The following RBFOX1 variants were observed in gnomAD, a reference collection of about 807,000 sequenced individuals.
RBFOX1 encodes RNA binding protein fox-1 homolog 1.
Under a neutral mutation model 57.7 loss-of-function variants are expected in RBFOX1, and 8 were observed. The observed-to-expected ratio is 0.14, with a 90% confidence interval of 0.08 to 0.25. The LOEUF is 0.25. Among genes scored for constraint, RBFOX1 ranks in the 10% least tolerant of loss-of-function variants. The pLI is 1.00. For missense variants in RBFOX1, 611 were observed against 548.5 expected, an observed-to-expected ratio of 1.11 and a Z score of -1.14; for synonymous variants, 326 against 222.4, an observed-to-expected ratio of 1.47 and a Z score of -4.15.
intron 3 of RBFOX1, among the ~76,000 whole-genome samples, chr16:5,803,599 G>A (rs914546008): frequency 3.3e-5 from 5 of 152,148 alleles, no homozygotes; most frequent in African/African-American, 1.2e-4. Context: ...AGCACACTTT[G>A]TTGGGCATTC....
chr16:6,232,796 G>C (rs1453422358), intron 1 of RBFOX1, among the ~76,000 whole-genome samples: 2 of 152,062 alleles, frequency 1.3e-5, no homozygotes, highest in African/African-American at 2.4e-5. Flanking sequence ...GCTTCCACTT[G>C]GACTGGTGAT....
intron 3 of RBFOX1, among the ~76,000 whole-genome samples, chr16:7,018,160 C>G (rs1460258047): frequency 6.6e-6 from 1 of 152,132 alleles, no homozygotes; most frequent in Non-Finnish European, 1.5e-5. Flanking sequence ...TAAGCCCTTG[C>G]TGAATTTCCA....
At chr16:5,383,795 C>T (rs1027683628) in intron 1 of RBFOX1, among the ~76,000 whole-genome samples, 1 of 152,162 alleles carries the variant, frequency 6.6e-6, no homozygotes, top group Admixed American at 6.5e-5. Flanking sequence ...CCTGGGGCTA[C>T]AAGTGACAGA....
intron 1 of RBFOX1, among the ~76,000 whole-genome samples, chr16:6,233,240 A>T (rs1184432103): frequency 6.6e-6 from 1 of 152,176 alleles, no homozygotes; most frequent in African/African-American, 2.4e-5. Context: ...CTTTAGCTGC[A>T]CTTGAAAGGA....
chr16:6,022,545 G>C (rs2095103094), intron 1 of RBFOX1, among the ~76,000 whole-genome samples: 1 of 152,038 alleles, frequency 6.6e-6, no homozygotes, highest in East Asian at 1.9e-4. Flanking sequence ...AGATGGGTGT[G>C]GTGGTGCACA....
At chr16:5,746,842 G>T (rs1448443593) in intron 3 of RBFOX1, among the ~76,000 whole-genome samples, 2 of 152,232 alleles carry the variant, frequency 1.3e-5, no homozygotes, top group African/African-American at 4.8e-5. Context: ...ATTTTGGGCT[G>T]AGATGGTGGG....
At chr16:6,963,039 C>A (rs1050488703) in intron 3 of RBFOX1, among the ~76,000 whole-genome samples, 1 of 152,170 alleles carries the variant, frequency 6.6e-6, no homozygotes, top group African/African-American at 2.4e-5. Context: ...ATTTGAAACA[C>A]AGTCACTGTG....
intron 3 of RBFOX1, among the ~76,000 whole-genome samples, chr16:5,717,517 C>A (rs1164696879): frequency 6.6e-6 from 1 of 152,182 alleles, no homozygotes; most frequent in African/African-American, 2.4e-5. Context: ...CACCCTTCAC[C>A]CTTAGTCCCC....
intron 6 of RBFOX1, among the ~76,000 whole-genome samples, chr16:7,580,677 A>AT (rs944586363): frequency 2.6e-5 from 4 of 152,044 alleles, no homozygotes; most frequent in South Asian, 2.1e-4. Context: ...GCCCCTGATT[A>AT]TTTTTTTCTC....
At chr16:6,648,259 C>T (rs529790651) in intron 2 of RBFOX1, among the ~76,000 whole-genome samples, 86 of 151,658 alleles carry the variant, frequency 5.7e-4, no homozygotes, top group Non-Finnish European at 1.1e-3. Flanking sequence ...CACTGTCTCC[C>T]TAAGGTTTCC....
intron 2 of RBFOX1, among the ~76,000 whole-genome samples, chr16:5,527,249 A>T (rs730434): frequency 0.37 from 55,986 of 152,048 alleles, 11,781 homozygotes; most frequent in East Asian, 0.85. Context: ...TCCAGAGTCA[A>T]GTGATCATGT....
At chr16:5,688,535 T>G (rs1002612750) in intron 3 of RBFOX1, among the ~76,000 whole-genome samples, 1 of 152,146 alleles carries the variant, frequency 6.6e-6, no homozygotes, top group African/African-American at 2.4e-5. Flanking sequence ...AGATGTCCAG[T>G]GATGTTCCCT....
chr16:6,963,004 C>G (rs1000150090), intron 3 of RBFOX1, among the ~76,000 whole-genome samples: 1 of 152,104 alleles, frequency 6.6e-6, no homozygotes, highest in Admixed American at 6.6e-5. Flanking sequence ...GACTCCCAGC[C>G]AAGAATCAGC....
At chr16:7,240,856 C>T (rs531288474) in intron 4 of RBFOX1, among the ~76,000 whole-genome samples, 3 of 152,308 alleles carry the variant, frequency 2.0e-5, no homozygotes, top group East Asian at 1.9e-4. Flanking sequence ...AGGCGTGAGC[C>T]GCTGCACCTG....
At chr16:7,048,915 C>T (rs912932326) in intron 3 of RBFOX1, among the ~76,000 whole-genome samples, 2 of 152,208 alleles carry the variant, frequency 1.3e-5, no homozygotes, top group African/African-American at 4.8e-5. Flanking sequence ...AAAGCTCTTG[C>T]TTTTCTTCTG....
chr16:6,641,277 T>C (rs1478421202), intron 2 of RBFOX1, among the ~76,000 whole-genome samples: 1 of 152,158 alleles, frequency 6.6e-6, no homozygotes, highest in African/African-American at 2.4e-5. Context: ...CAGAGGAATT[T>C]CAAGGACCTA....
At chr16:7,302,926 A>G (rs2096068120) in intron 4 of RBFOX1, among the ~76,000 whole-genome samples, 1 of 152,182 alleles carries the variant, frequency 6.6e-6, no homozygotes, top group South Asian at 2.1e-4. Context: ...AATTTGGCCA[A>G]GGAGGGCTGG....
At chr16:6,166,317 G>T (rs112635103) in intron 1 of RBFOX1, among the ~76,000 whole-genome samples, 1 of 149,434 alleles carries the variant, frequency 6.7e-6, no homozygotes, top group Non-Finnish European at 1.5e-5. Flanking sequence ...GACCAAGCTC[G>T]CACACATCAT....
At chr16:5,540,017 CTTCTG>C (rs1414242339) in intron 2 of RBFOX1, among the ~76,000 whole-genome samples, 1 of 152,098 alleles carries the variant, frequency 6.6e-6, no homozygotes, top group African/African-American at 2.4e-5. Flanking sequence ...CATTCTTTTT[CTTCTG>C]TTCTGATTTC....
Sources: gnomAD v4.1 joint callset for allele counts (sites outside exome capture counted in the v4.1 genomes callset) on GRCh38, gnomAD v4.1.1 for gene constraint, MANE v1.5 for transcripts, NCBI Gene and HGNC (gene_info 2026-07-23, HGNC 2026-07-21) for gene names.